The following GPC5 variants were observed in gnomAD, a reference collection of about 807,000 sequenced individuals.
GPC5 encodes glypican 5.
A neutral mutation model predicts 53.9 loss-of-function variants in GPC5; 47 were observed. That is an observed-to-expected ratio of 0.87 (90% CI 0.69 to 1.11). The LOEUF (loss-of-function observed/expected upper bound fraction) is 1.11, where lower values mean the gene tolerates loss of function less well. Ranked by LOEUF, GPC5 falls within the 50% of genes most tolerant of loss-of-function variation. The pLI, the probability that GPC5 is intolerant of heterozygous loss-of-function variation, is 0.00. For synonymous variants in GPC5, 286 were observed against 263.3 expected, an observed-to-expected ratio of 1.09 and a Z score of -0.84; for missense variants, 748 against 713.1, an observed-to-expected ratio of 1.05 and a Z score of -0.56.
intron 2 of GPC5, among the ~76,000 whole-genome samples, chr13:91,516,883 C>A (rs532984445): frequency 2.0e-5 from 3 of 152,310 alleles, no homozygotes; most frequent in Admixed American, 1.3e-4. Context: ...GCTGCCGAGG[C>A]TTGGGGCTTC....
chr13:91,442,120 G>A (rs528482688), intron 1 of GPC5, among the ~76,000 whole-genome samples: 1 of 152,252 alleles, frequency 6.6e-6, no homozygotes, highest in South Asian at 2.1e-4. Flanking sequence ...GATACAGGAA[G>A]CCACACAAAT....
At chr13:92,689,507 T>C (rs1887331760) in intron 7 of GPC5, among the ~76,000 whole-genome samples, 1 of 98,936 alleles carries the variant, frequency 1.0e-5, no homozygotes, top group Non-Finnish European at 2.1e-5. Context: ...TGATGGGTCT[T>C]GGCTCTTTAT....
At chr13:92,340,223 T>C (rs916718021) in intron 7 of GPC5, among the ~76,000 whole-genome samples, 1 of 152,162 alleles carries the variant, frequency 6.6e-6, no homozygotes, top group Non-Finnish European at 1.5e-5. Flanking sequence ...ATGTAGTTTA[T>C]TTTCAAGGAA....
At chr13:92,410,661 T>C (rs1185407432) in intron 7 of GPC5, among the ~76,000 whole-genome samples, 2 of 152,048 alleles carry the variant, frequency 1.3e-5, no homozygotes, top group African/African-American at 4.8e-5. Flanking sequence ...GCAAAAGGAG[T>C]GCCAAAATGT....
chr13:92,695,775 A>G (rs1016467308), intron 7 of GPC5, among the ~76,000 whole-genome samples: 4 of 151,858 alleles, frequency 2.6e-5, no homozygotes, highest in Non-Finnish European at 5.9e-5. Context: ...ATAGGTATAC[A>G]TGTGCCATGG....
chr13:92,011,791 TTAC>T (rs1379262620), intron 6 of GPC5, among the ~76,000 whole-genome samples: 3 of 152,162 alleles, frequency 2.0e-5, no homozygotes, highest in Non-Finnish European at 2.9e-5. Flanking sequence ...TATCAGTATA[TTAC>T]TATCTTTAAT....
chr13:92,561,970 A>T (rs1882712350), intron 7 of GPC5, among the ~76,000 whole-genome samples: 1 of 152,012 alleles, frequency 6.6e-6, no homozygotes, highest in African/African-American at 2.4e-5. Context: ...CTCTTTCCTG[A>T]TATCTGTTTC....
Position 91,945,789 on chromosome 13 carries a change from A to G in GPC5, c.1401+37732A>G, listed in dbSNP as rs146698623. Reference sequence around the variant, plus strand: ...ATGGTTTGGGACAATTTCCATCTCAAGCCTTACGCTTTCCCTGTTTGCCAC... The same window carrying G: ...ATGGTTTGGGACAATTTCCATCTCAGGCCTTACGCTTTCCCTGTTTGCCAC... On this transcript the variant is annotated intron_variant, in intron 6 of 7. Coordinates refer to ENST00000377067, the MANE Select transcript of GPC5 (RefSeq NM_004466.6). Among the ~76,000 whole-genome samples, 466 of 152,200 alleles carry G rather than the reference A, an allele frequency of 3.1e-3. 10 individuals are homozygous for G. In the East Asian group the frequency reaches 0.068, roughly 22 times the overall value.
At position 92,241,187 on chromosome 13, in the gene GPC5, A is replaced by C. The variant is rs557168202; in HGVS notation, c.1561+96198A>C. ...TTATTGGTGCAGAATCAAATAAAAGAAGATGAACATCAGTCTTTGGGGGCA... is the reference window on the plus strand; with the variant it reads ...TTATTGGTGCAGAATCAAATAAAAGCAGATGAACATCAGTCTTTGGGGGCA... On this transcript the variant is annotated intron_variant, in intron 7 of 7. Coordinates refer to ENST00000377067, the MANE Select transcript of GPC5 (RefSeq NM_004466.6). 8.5e-5 allele frequency: 13 copies of C among 152,308 alleles called. No individual in the cohort carries two copies. The East Asian group carries it at 2.1e-3, about 25-fold the overall frequency. The allele number at this position is 152,308 out of a possible 1,614,324, so 9.4% of individuals were successfully genotyped here. A position where few individuals can be genotyped will look rare whatever the true frequency, so the allele number is the denominator to read the frequency against.
chr13:92,025,992 C>T (rs530970783), intron 6 of GPC5, among the ~76,000 whole-genome samples: 22 of 152,184 alleles, frequency 1.4e-4, no homozygotes, highest in Admixed American at 3.9e-4. Flanking sequence ...ATACTGGATC[C>T]TGGACAGATC....
At chr13:92,132,826 A>G (rs2041755150) in intron 6 of GPC5, among the ~76,000 whole-genome samples, 1 of 152,130 alleles carries the variant, frequency 6.6e-6, no homozygotes, top group Admixed American at 6.6e-5. Flanking sequence ...CAATTTTTAA[A>G]ATCCCAAAAT....
intron 6 of GPC5, among the ~76,000 whole-genome samples, chr13:92,069,378 C>T (rs1336623274): frequency 6.6e-6 from 1 of 150,626 alleles, no homozygotes; most frequent in Non-Finnish European, 1.5e-5. Flanking sequence ...CTAAAAATAT[C>T]ACAGCTTTAT....
chr13:92,783,989 T>C (rs1012305473), intron 7 of GPC5, among the ~76,000 whole-genome samples: 1 of 152,206 alleles, frequency 6.6e-6, no homozygotes, highest in Non-Finnish European at 1.5e-5. Flanking sequence ...TTTTAAAGCA[T>C]TCTTGGTATC....
At position 91,720,111 on chromosome 13, in the gene GPC5, C is replaced by CA. The variant is rs35121418; in HGVS notation, c.1021-8415dup. Among the ~76,000 whole-genome samples the CA allele has an allele frequency of 8.8e-3, 1,344 of 152,232 alleles. 16 individuals carry two copies. Among genetic ancestry groups the CA allele is most frequent in the African/African-American group, 0.031 (1,269 of 41,530 alleles). The stretch of plus-strand genomic sequence containing the variant: ...CATGTGGTAATGGCTACTGTCCCCC[C>CA]AAAAAACAAAACAAAACAGAATCTC... On this transcript the variant is annotated intron_variant, in intron 3 of 7. Transcript: ENST00000377067.
chr13:92,673,706 T>C (rs1436992878), intron 7 of GPC5, among the ~76,000 whole-genome samples: 2 of 152,166 alleles, frequency 1.3e-5, no homozygotes, highest in Admixed American at 1.3e-4. Context: ...GTAGATAAAA[T>C]AATATGTGAA....
rs754226146 is a variant in GPC5 at position 92,833,345 on chromosome 13, CCAAG to C, written c.1562-32934_1562-32931del. On this transcript the variant is annotated intron_variant, in intron 7 of 7. Transcript: ENST00000377067. Reference sequence around the variant, plus strand: ...AATATGCAAGATGATAGCGTAACACCCAAGCAGATTTCAGATAAACAAATTGATA... The same window carrying C: ...AATATGCAAGATGATAGCGTAACACCCAGATTTCAGATAAACAAATTGATA... Among the ~76,000 whole-genome samples, 4 of 151,942 alleles carry C rather than the reference CCAAG, an allele frequency of 2.6e-5. No homozygotes were observed. In the South Asian group the frequency reaches 6.2e-4, roughly 24 times the overall value.
chr13:92,391,581 T>C (rs986700404), intron 7 of GPC5, among the ~76,000 whole-genome samples: 7 of 152,164 alleles, frequency 4.6e-5, no homozygotes, highest in Non-Finnish European at 1.0e-4. Flanking sequence ...ATTTTGTAGT[T>C]GAAATGTTAT....
intron 2 of GPC5, among the ~76,000 whole-genome samples, chr13:91,477,413 G>T (rs1190630047): frequency 5.3e-5 from 8 of 152,096 alleles, no homozygotes; most frequent in African/African-American, 1.9e-4. Flanking sequence ...CATAGAGAAG[G>T]GGATCTAAAA....
At chr13:91,506,751 G>A (rs926805149) in intron 2 of GPC5, among the ~76,000 whole-genome samples, 2 of 151,980 alleles carry the variant, frequency 1.3e-5, no homozygotes, top group African/African-American at 4.8e-5. Flanking sequence ...TGAATATCAA[G>A]TAAATTAAAA....
Sources: allele counts gnomAD v4.1 joint callset (sites outside exome capture counted in the v4.1 genomes callset), GRCh38; gene constraint gnomAD v4.1.1; transcripts MANE v1.5; gene names NCBI Gene and HGNC (gene_info 2026-07-23, HGNC 2026-07-21).